The following ACSS1 variants were observed in gnomAD, a reference collection of about 807,000 sequenced individuals.
ACSS1 encodes the protein acetyl-coenzyme A synthetase 2-like, mitochondrial.
ACSS1 carries 42 observed loss-of-function variants against 75.3 expected under a neutral mutation model. That is an observed-to-expected ratio of 0.56 (90% CI 0.44 to 0.72). The LOEUF (loss-of-function observed/expected upper bound fraction) is 0.72. Among genes scored for constraint, ACSS1 ranks in the 30% least tolerant of loss-of-function variants. The pLI is 0.00. For synonymous variants in ACSS1, 380 were observed against 376.8 expected, an observed-to-expected ratio of 1.01 and a Z score of -0.10; for missense variants, 782 against 935.7, an observed-to-expected ratio of 0.84 and a Z score of 2.14.
intron 2 of ACSS1, among the ~76,000 whole-genome samples, chr20:25,043,319 G>A (rs760746790): frequency 7.9e-5 from 12 of 152,306 alleles, no homozygotes; most frequent in Non-Finnish European, 1.2e-4. Context: ...GGCTGTGTTC[G>A]AAGACATCCA....
In ACSS1 at chr20:25,057,749, G is replaced by A. The variant is rs780905462; in HGVS notation, c.334+20C>T. 23 of 1,538,186 alleles carry A rather than the reference G, an allele frequency of 1.5e-5. 1 individual carries two copies. The South Asian group carries it at 2.7e-4, about 18-fold the overall frequency. ...GACCCAAGAGTTGGGGGCGTCCTGG[G>A]TCTCCCGAAGCCCACTCACCAGAGA... On this transcript the variant is annotated intron_variant, in intron 1 of 13. Coordinates refer to ENST00000323482, the MANE Select transcript of ACSS1 (RefSeq NM_032501.4).
intron 7 of ACSS1, among the ~76,000 whole-genome samples, chr20:25,016,180 G>T (rs1568831108): frequency 1.3e-5 from 2 of 152,162 alleles, no homozygotes; most frequent in African/African-American, 4.8e-5. Flanking sequence ...GGAGGGGTGT[G>T]CTGTGTGATC....
chr20:25,030,187 C>T (rs1411933678), intron 3 of ACSS1, among the ~76,000 whole-genome samples: 1 of 152,210 alleles, frequency 6.6e-6, no homozygotes, highest in African/African-American at 2.4e-5. Context: ...CTCTAGGAGA[C>T]AGCAGGGTGC....
intron 8 of ACSS1, 76 bp from the exon 9 acceptor site, chr20:25,014,149 T>C (rs2088474195): frequency 2.4e-6 from 3 of 1,255,142 alleles, no homozygotes; most frequent in Middle Eastern, 1.9e-4. Context: ...GGGTGGTAGG[T>C]GGGACTGTCC....
chr20:25,056,121 C>G (rs1205277324), intron 1 of ACSS1, among the ~76,000 whole-genome samples: 1 of 152,216 alleles, frequency 6.6e-6, no homozygotes, highest in African/African-American at 2.4e-5. Context: ...CTGATCCTGA[C>G]CGAGCGAGGT....
At chr20:25,027,158 T>A (rs1205043904) in intron 3 of ACSS1, among the ~76,000 whole-genome samples, 1 of 152,222 alleles carries the variant, frequency 6.6e-6, no homozygotes, top group Non-Finnish European at 1.5e-5. Flanking sequence ...AGTTTACCCA[T>A]CTTCTTCCCT....
At chr20:25,042,753 A>C (rs1600342792) in intron 2 of ACSS1, among the ~76,000 whole-genome samples, 1 of 151,058 alleles carries the variant, frequency 6.6e-6, no homozygotes, top group African/African-American at 2.4e-5. Context: ...CCACCCACCC[A>C]CTCTCGGCCC....
Position 25,023,097 on chromosome 20 carries a change from C to A in ACSS1, c.808-5G>T. Reference sequence around the variant, plus strand: ...AGGGTCCTCCTTGGCCATTTCCTGGCAGGGAGAAGAAACAAACAGCCCACC... The same window carrying A: ...AGGGTCCTCCTTGGCCATTTCCTGGAAGGGAGAAGAAACAAACAGCCCACC... On this transcript the variant is annotated splice_region_variant and splice_polypyrimidine_tract_variant and intron_variant, in intron 4 of 13. Coordinates refer to ENST00000323482, the MANE Select transcript of ACSS1 (RefSeq NM_032501.4). 6.2e-7 allele frequency: 1 copy of A among 1,609,380 alleles called. No homozygotes were observed. Among genetic ancestry groups the A allele is most frequent in the Non-Finnish European group, 8.5e-7 (1 of 1,177,580 alleles).
rs1031668378 is a variant in ACSS1 at position 25,006,618 on chromosome 20, G to A, written c.*1144C>T. On this transcript the variant is annotated 3_prime_UTR_variant, in exon 14 of 14. Transcript: ENST00000323482. The stretch of plus-strand genomic sequence containing the variant: ...AAACTCTCCCTCCCCTAAGGGACCC[G>A]GCTCACTGGGCCTCCTTCCCCTGCC... 37 of 533,098 alleles carry A rather than the reference G, an allele frequency of 6.9e-5. No homozygotes were observed. The highest frequency in any genetic ancestry group is 1.3e-4 in the East Asian group (4 of 29,780). 33.0% of individuals were successfully genotyped at this position (533,098 alleles called of 1,614,324 possible). A position where few individuals can be genotyped will look rare whatever the true frequency, so the allele number is the denominator to read the frequency against.
intron 2 of ACSS1, among the ~76,000 whole-genome samples, chr20:25,039,609 T>C (rs1260967366): frequency 6.6e-6 from 1 of 152,190 alleles, no homozygotes; most frequent in Non-Finnish European, 1.5e-5. Flanking sequence ...GTTTGGCTCC[T>C]CATTCAGGGC....
intron 3 of ACSS1, among the ~76,000 whole-genome samples, chr20:25,028,167 T>C (rs2088759972): frequency 6.6e-6 from 1 of 152,246 alleles, no homozygotes; most frequent in African/African-American, 2.4e-5. Flanking sequence ...TGGATTAATA[T>C]TGTCAATATG....
intron 2 of ACSS1, among the ~76,000 whole-genome samples, chr20:25,037,004 GAAA>G (rs1568843604): frequency 9.2e-5 from 11 of 119,698 alleles, no homozygotes; most frequent in Non-Finnish European, 1.9e-4. Context: ...AAAGAAGAAA[GAAA>G]GGAAGGAAGG....
At chr20:25,028,509 A>C (rs1600326464) in intron 3 of ACSS1, among the ~76,000 whole-genome samples, 1 of 152,362 alleles carries the variant, frequency 6.6e-6, no homozygotes, top group African/African-American at 2.4e-5. Flanking sequence ...AGTCCATTTA[A>C]CAGGGAAAAG....
In ACSS1 at chr20:25,007,241, AAGG is replaced by A; in HGVS notation, c.*518_*520del. 1.7e-6 allele frequency: 2 copies of A among 1,158,610 alleles called. No homozygotes were observed. The highest frequency in any genetic ancestry group is 4.8e-5 in the East Asian group (1 of 21,046). The allele number at this position is 1,158,610 out of a possible 1,614,324, so 71.8% of individuals were successfully genotyped here. On this transcript the variant is annotated 3_prime_UTR_variant, in exon 14 of 14. Transcript: ENST00000323482. ...TGTTTCCTCACCAGTAGAGGCAAAA[AAGG>A]AGATTTTCATAACTACATGTTAAAA... is the stretch of plus-strand genomic sequence containing the variant.
intron 3 of ACSS1, among the ~76,000 whole-genome samples, chr20:25,024,963 A>G (rs537670487): frequency 3.8e-4 from 58 of 152,302 alleles, no homozygotes; most frequent in South Asian, 1.5e-3. Flanking sequence ...GCGATAGCTC[A>G]CCTGGGGAAA....
At position 25,007,186 on chromosome 20, in the gene ACSS1, A is replaced by G. The variant is rs2088323689; in HGVS notation, c.*576T>C. 2 of 1,249,850 alleles carry G rather than the reference A, an allele frequency of 1.6e-6. No individual in the cohort carries two copies. The highest frequency in any genetic ancestry group is 1.5e-5 in the African/African-American group (1 of 66,272). 77.4% of individuals were successfully genotyped at this position (1,249,850 alleles called of 1,614,324 possible). Reference sequence around the variant, plus strand: ...AATTCAGACTTCCAAATACACTAACAATAATTAAAAATGTGGCCTCTGATC... The same window carrying G: ...AATTCAGACTTCCAAATACACTAACGATAATTAAAAATGTGGCCTCTGATC... On this transcript the variant is annotated 3_prime_UTR_variant, in exon 14 of 14. Coordinates refer to ENST00000323482, the MANE Select transcript of ACSS1 (RefSeq NM_032501.4).
At chr20:25,047,906 G>C (rs192058319) in intron 2 of ACSS1, among the ~76,000 whole-genome samples, 179 bp downstream of exon 2, 1 of 152,030 alleles carries the variant, frequency 6.6e-6, no homozygotes, top group Admixed American at 6.5e-5. Flanking sequence ...AGGCTAGACC[G>C]GCTTTTACTG....
At chr20:25,053,328 G>C (rs986807117) in intron 1 of ACSS1, among the ~76,000 whole-genome samples, 5 of 150,990 alleles carry the variant, frequency 3.3e-5, no homozygotes, top group African/African-American at 1.2e-4. Flanking sequence ...GCCTCCCAAA[G>C]TACTGGGATT....
chr20:25,012,865 C>T lies in ACSS1; in HGVS notation c.1654G>A (p.Val552Ile), dbSNP rs748687549. 4 of 1,614,166 alleles carry T rather than the reference C, an allele frequency of 2.5e-6. No homozygotes were observed. Among genetic ancestry groups the T allele is most frequent in the Non-Finnish European group, 3.4e-6 (4 of 1,180,034 alleles). ...YYQITGRMDD[V>I]INISGHRLGT... is the part of the protein sequence containing the mutation. The stretch of plus-strand genomic sequence containing the variant: ...AGCCGGTGGCCACTGATGTTGATGA[C>T]ATCATCCATCCGCCCTGTGATCTGG... The change falls in exon 11 of 14, where the codon GTC becomes ATC. Residue 552 changes from valine to isoleucine, a missense_variant. Transcript: ENST00000323482.
Sources: allele counts gnomAD v4.1 joint callset (sites outside exome capture counted in the v4.1 genomes callset), GRCh38; gene constraint gnomAD v4.1.1; transcripts MANE v1.5; gene names NCBI Gene and HGNC (gene_info 2026-07-23, HGNC 2026-07-21).